Variants in VWA5B1 observed in about 807,000 individuals in gnomAD.
The protein encoded by VWA5B1 is von Willebrand factor A domain-containing protein 5B1.
VWA5B1 carries 115 observed loss-of-function variants against 118.2 expected under a neutral mutation model. That is an observed-to-expected ratio of 0.97 (90% CI 0.84 to 1.14). The LOEUF (loss-of-function observed/expected upper bound fraction) is 1.14. VWA5B1 is among the 50% of genes most tolerant of loss of function. The pLI is 0.00. For synonymous variants in VWA5B1, 682 were observed against 658.4 expected, an observed-to-expected ratio of 1.04 and a Z score of -0.55; for missense variants, 1,596 against 1,603.8, an observed-to-expected ratio of 1.00 and a Z score of 0.08.
At chr1:20,341,464 G>C (rs2089872327) in intron 14 of VWA5B1, among the ~76,000 whole-genome samples, 1 of 152,154 alleles carries the variant, frequency 6.6e-6, no homozygotes, top group Non-Finnish European at 1.5e-5. Context: ...GACCACAGGG[G>C]TGCCATCAAA....
Position 20,336,211 on chromosome 1 carries a change from G to T in VWA5B1, c.1759-92G>T, listed in dbSNP as rs772589390. On this transcript the variant is annotated intron_variant, in intron 12 of 21. Coordinates refer to ENST00000289815, the MANE Select transcript of VWA5B1 (RefSeq NM_001039500.3). Reference sequence around the variant, plus strand: ...AGCTGTTTCTTCAGAGATGAAAACCGCACCACCTCTGCTCACACCCCTTGC... The same window carrying T: ...AGCTGTTTCTTCAGAGATGAAAACCTCACCACCTCTGCTCACACCCCTTGC... 37 of 1,148,666 alleles carry T rather than the reference G, an allele frequency of 3.2e-5. No homozygotes were observed. The African/African-American group carries it at 5.6e-4, about 17-fold the overall frequency. 71.2% of individuals were successfully genotyped at this position (1,148,666 alleles called of 1,614,324 possible).
intron 21 of VWA5B1, 131 bp downstream of exon 21, chr1:20,352,303 T>C (rs1011497888): frequency 4.2e-6 from 3 of 713,712 alleles, no homozygotes; most frequent in Non-Finnish European, 6.8e-6. Flanking sequence ...TCAGATCCCC[T>C]GAGTTTTGAG....
At chr1:20,293,185 T>G (rs966378146) in intron 1 of VWA5B1, among the ~76,000 whole-genome samples, 1 of 152,210 alleles carries the variant, frequency 6.6e-6, no homozygotes, top group Admixed American at 6.5e-5. Flanking sequence ...CTGTGGCCCC[T>G]ACTCACCTGG....
intron 14 of VWA5B1, chr1:20,339,184 G>A (rs2089807977): frequency 6.6e-6 from 1 of 152,156 alleles, no homozygotes; most frequent in South Asian, 2.1e-4. Flanking sequence ...TGTTCCCTGG[G>A]GAGCTAAATC....
At chr1:20,326,942 CATAACTT>C (rs1489218438) in intron 8 of VWA5B1, among the ~76,000 whole-genome samples, 1 of 152,148 alleles carries the variant, frequency 6.6e-6, no homozygotes, top group African/African-American at 2.4e-5. Context: ...AGAGGGGTGA[CATAACTT>C]AGAACATTTA....
At chr1:20,306,199 A>T (rs2088647650) in intron 1 of VWA5B1, among the ~76,000 whole-genome samples, 1 of 152,156 alleles carries the variant, frequency 6.6e-6, no homozygotes, top group African/African-American at 2.4e-5. Flanking sequence ...GTAGGTTTTC[A>T]GGGCCCTTCC....
At chr1:20,352,295 A>C (rs1192277428) in intron 21 of VWA5B1, 123 bp downstream of exon 21, 1 of 749,730 alleles carries the variant, frequency 1.3e-6, no homozygotes, top group Non-Finnish European at 2.1e-6. Flanking sequence ...CTTAGAGCTC[A>C]GATCCCCTGA....
chr1:20,324,422 A>C (rs1192126160), intron 8 of VWA5B1, among the ~76,000 whole-genome samples: 2 of 150,274 alleles, frequency 1.3e-5, no homozygotes, highest in African/African-American at 4.9e-5. Context: ...ATTATCCAAC[A>C]CTCCCTTGTA....
intron 16 of VWA5B1, 107 bp downstream of exon 16, chr1:20,343,500 C>A (rs1346260009): frequency 4.5e-5 from 64 of 1,427,926 alleles, no homozygotes; most frequent in Non-Finnish European, 5.8e-5. Context: ...CTCTCAGCCC[C>A]GCGTGGTCCG....
chr1:20,338,417 T>G (rs2100969711), intron 14 of VWA5B1: 1 of 220,014 alleles, frequency 4.5e-6, no homozygotes, highest in Non-Finnish European at 9.2e-6. Flanking sequence ...TGGTGCCATC[T>G]CAGCTCACTG....
chr1:20,350,758 C>A, intron 19 of VWA5B1, 99 bp from the exon 20 acceptor site: 1 of 1,145,608 alleles, frequency 8.7e-7, no homozygotes, highest in Non-Finnish European at 1.3e-6. Context: ...CTTAGCTAAG[C>A]ACCTGCCCCT....
At chr1:20,295,263 C>T (rs1557824241) in intron 1 of VWA5B1, among the ~76,000 whole-genome samples, 2 of 152,116 alleles carry the variant, frequency 1.3e-5, no homozygotes, top group Non-Finnish European at 2.9e-5. Flanking sequence ...ATATTCTAGT[C>T]TGGAACACAG....
At chr1:20,329,566 C>T (rs997346060) in intron 9 of VWA5B1, among the ~76,000 whole-genome samples, 3 of 152,102 alleles carry the variant, frequency 2.0e-5, no homozygotes, top group Non-Finnish European at 4.4e-5. Flanking sequence ...GCCTTGACTT[C>T]CCAAACATGC....
In VWA5B1 at chr1:20,330,858, C is replaced by T. The variant is rs1557856333; in HGVS notation, c.1458-11C>T. On this transcript the variant is annotated splice_polypyrimidine_tract_variant and intron_variant, in intron 10 of 21. Coordinates refer to ENST00000289815, the MANE Select transcript of VWA5B1 (RefSeq NM_001039500.3). ...TAAGACATAGCAGCCTCTCTTCTCC[C>T]TTTCCGCCAGGTGCTATAGCTTTGG... 1 of 1,551,100 alleles carries T rather than the reference C, an allele frequency of 6.4e-7. No individual in the cohort carries two copies. Among genetic ancestry groups the T allele is most frequent in the African/African-American group, 1.4e-5 (1 of 73,040 alleles).
At chr1:20,317,931 G>A (rs1002902332) in intron 5 of VWA5B1, among the ~76,000 whole-genome samples, 9 of 151,604 alleles carry the variant, frequency 5.9e-5, no homozygotes, top group Admixed American at 1.3e-4. Flanking sequence ...GGGAATGGTG[G>A]CCCTTGGTTC....
intron 1 of VWA5B1, among the ~76,000 whole-genome samples, chr1:20,295,185 T>C (rs1392534075): frequency 6.6e-6 from 1 of 152,048 alleles, no homozygotes. Context: ...ATCACAGGGC[T>C]CTGGGTTGAG....
chr1:20,326,476 G>T (rs1239694072), intron 8 of VWA5B1, among the ~76,000 whole-genome samples: 4 of 152,074 alleles, frequency 2.6e-5, no homozygotes, highest in African/African-American at 9.7e-5. Context: ...GTTTTGTTTT[G>T]TTTTGTTTGA....
At chr1:20,326,535 G>A (rs182608694) in intron 8 of VWA5B1, among the ~76,000 whole-genome samples, 31 of 152,130 alleles carry the variant, frequency 2.0e-4, no homozygotes, top group Admixed American at 4.6e-4. Context: ...GCGTGATCTC[G>A]GCTCACTGCA....
At chr1:20,315,541 A>G (rs1238317630) in intron 4 of VWA5B1, among the ~76,000 whole-genome samples, 3 of 152,218 alleles carry the variant, frequency 2.0e-5, no homozygotes, top group Non-Finnish European at 4.4e-5. Context: ...ACAGAGTGGG[A>G]CAAGTGCTAT....
Sources: allele counts gnomAD v4.1 joint callset (sites outside exome capture counted in the v4.1 genomes callset), GRCh38; gene constraint gnomAD v4.1.1; transcripts MANE v1.5; gene names NCBI Gene and HGNC (gene_info 2026-07-23, HGNC 2026-07-21).